CCDC60: variants seen among roughly 807,000 people sequenced by gnomAD.
CCDC60 encodes the protein coiled-coil domain-containing protein 60.
In CCDC60, 54 loss-of-function variants were observed where a neutral mutation model predicts 63.5. The observed-to-expected ratio is 0.85, with a 90% confidence interval of 0.68 to 1.07. CCDC60 has a LOEUF of 1.07. Ranked by LOEUF, CCDC60 falls within the 50% of genes least tolerant of loss-of-function variation. The pLI is 0.00. For synonymous variants in CCDC60, 206 were observed against 238.8 expected, an observed-to-expected ratio of 0.86 and a Z score of 1.27; for missense variants, 651 against 684.3, an observed-to-expected ratio of 0.95 and a Z score of 0.54.
rs754983915 is a variant in CCDC60, at chr12:119,405,804, T to TC, written c.91-22875dup. ...TCTAGTTACCGCATCCCCACACCAC[T>TC]CCCCACCCCTAACTCCCACCCTCCA... On this transcript the variant is annotated intron_variant, in intron 1 of 13. Transcript: ENST00000327554. Among the ~76,000 whole-genome samples, 206 of 152,190 alleles carry TC rather than the reference T, an allele frequency of 1.4e-3. 3 individuals are homozygous for TC. The highest frequency in any genetic ancestry group is 3.7e-4 in the Non-Finnish European group (25 of 67,992).
chr12:119,406,238 C>G (rs1226190078), intron 1 of CCDC60, among the ~76,000 whole-genome samples: 3 of 151,496 alleles, frequency 2.0e-5, no homozygotes, highest in Non-Finnish European at 4.4e-5. Context: ...GTCTTCTTGC[C>G]TCATTCACCC....
In CCDC60 at chr12:119,540,670, G is replaced by A. The variant is rs150338593; in HGVS notation, c.1608G>A (p.Gln536=). 1 of 1,614,058 alleles carries A rather than the reference G, an allele frequency of 6.2e-7. No individual in the cohort carries two copies. The part of the protein sequence containing the change: ...MPQEDYISWL[Q]SRINIPIGPY... ...AAGAGGATTACATCAGCTGGCTGCAGAGCCGGATCAACATACCCATTGGGC... is the reference window on the plus strand; with the variant it reads ...AAGAGGATTACATCAGCTGGCTGCAAAGCCGGATCAACATACCCATTGGGC... The change falls in exon 14 of 14, where the codon CAG becomes CAA. Residue 536 remains glutamine (Q), a synonymous_variant. Transcript: ENST00000327554.
chr12:119,507,614 A>AT lies in CCDC60; in HGVS notation c.883+2327dup, dbSNP rs1184630442. ...TACATATATATATATATATATATATATTTTTTTTTTTTTTTTCTAGAAACA... is the reference window on the plus strand; with the variant it reads ...TACATATATATATATATATATATATATTTTTTTTTTTTTTTTTCTAGAAACA... On this transcript the variant is annotated intron_variant, in intron 7 of 13. Transcript: ENST00000327554. 6.9e-3 allele frequency among the ~76,000 whole-genome samples: 350 copies of AT among 50,482 alleles called. 44 individuals carry two copies. The highest frequency in any genetic ancestry group is 0.015 in the Admixed American group (43 of 2,834). 33.1% of individuals were successfully genotyped at this position (50,482 alleles called of 152,430 possible).
chr12:119,528,794 G>T (rs528593650), intron 12 of CCDC60, 48 bp downstream of exon 12: 2 of 1,574,248 alleles, frequency 1.3e-6, no homozygotes, highest in East Asian at 2.3e-5. Flanking sequence ...AGAGAACAGG[G>T]TGTTGTTATT....
chr12:119,407,834 A>T (rs1021598034), intron 1 of CCDC60, among the ~76,000 whole-genome samples: 11 of 152,178 alleles, frequency 7.2e-5, no homozygotes, highest in Non-Finnish European at 1.5e-4. Flanking sequence ...GCTGGGATTT[A>T]AAACCAAGTC....
chr12:119,477,923 CAG>C (rs1396173749), intron 3 of CCDC60, among the ~76,000 whole-genome samples: 1 of 151,422 alleles, frequency 6.6e-6, no homozygotes, highest in Non-Finnish European at 1.5e-5. Flanking sequence ...CACACACTCA[CAG>C]AGAGAGAGAG....
intron 8 of CCDC60, among the ~76,000 whole-genome samples, chr12:119,519,253 A>G (rs1397025551): frequency 3.9e-5 from 6 of 152,058 alleles, no homozygotes. Flanking sequence ...GCTGCCCCCT[A>G]GCCATCTGAA....
intron 4 of CCDC60, among the ~76,000 whole-genome samples, chr12:119,485,769 CA>C (rs1261940904): frequency 2.6e-5 from 4 of 152,202 alleles, no homozygotes; most frequent in Non-Finnish European, 4.4e-5. Flanking sequence ...CGAATTTCAA[CA>C]AATGAATCTG....
At chr12:119,341,439 A>T (rs1035217741) in intron 1 of CCDC60, among the ~76,000 whole-genome samples, 2 of 152,222 alleles carry the variant, frequency 1.3e-5, no homozygotes, top group African/African-American at 4.8e-5. Context: ...CTGCCTTTGA[A>T]GTCAGGCAAA....
intron 1 of CCDC60, among the ~76,000 whole-genome samples, chr12:119,399,675 GA>G (rs1261267329): frequency 6.6e-6 from 1 of 152,144 alleles, no homozygotes; most frequent in Non-Finnish European, 1.5e-5. Context: ...ACAGGGCTCT[GA>G]AGACAGGGGG....
intron 2 of CCDC60, among the ~76,000 whole-genome samples, chr12:119,439,150 C>CAA (rs11317847): frequency 0.081 from 5,841 of 72,226 alleles, 247 homozygotes; most frequent in Non-Finnish European, 0.11. Flanking sequence ...CTTTTCTGGG[C>CAA]AAAAAAAAAA....
chr12:119,532,503 G>A (rs948804707), intron 13 of CCDC60, among the ~76,000 whole-genome samples: 5 of 151,356 alleles, frequency 3.3e-5, no homozygotes, highest in South Asian at 2.1e-4. Context: ...CATGTGTCAT[G>A]GTGGTTTTCT....
intron 7 of CCDC60, among the ~76,000 whole-genome samples, chr12:119,511,043 C>T (rs146173283): frequency 1.8e-4 from 28 of 152,238 alleles, no homozygotes; most frequent in Non-Finnish European, 2.8e-4. Context: ...GCAACAGTAA[C>T]ATCTTATTTA....
intron 1 of CCDC60, among the ~76,000 whole-genome samples, chr12:119,389,203 T>C (rs185995872): frequency 1.6e-4 from 24 of 152,300 alleles, no homozygotes; most frequent in Admixed American, 5.2e-4. Context: ...AGTACCTCAG[T>C]TGCCTTGCCT....
intron 1 of CCDC60, among the ~76,000 whole-genome samples, chr12:119,416,233 G>C (rs1338096730): frequency 1.3e-5 from 2 of 152,012 alleles, no homozygotes; most frequent in African/African-American, 4.8e-5. Context: ...ATACAAATTA[G>C]CCGGGCGAGG....
chr12:119,469,647 G>A (rs1256534273), intron 2 of CCDC60, among the ~76,000 whole-genome samples: 1 of 152,162 alleles, frequency 6.6e-6, no homozygotes, highest in Non-Finnish European at 1.5e-5. Context: ...CCCAGCGGGG[G>A]CAATTGTGCA....
intron 2 of CCDC60, among the ~76,000 whole-genome samples, chr12:119,434,869 G>A (rs1034825482): frequency 1.3e-5 from 2 of 152,168 alleles, no homozygotes; most frequent in African/African-American, 2.4e-5. Context: ...TGTAGGCTGC[G>A]ATGAAAAGTA....
At chr12:119,474,853 A>C (rs1566029286) in intron 3 of CCDC60, among the ~76,000 whole-genome samples, 1 of 152,154 alleles carries the variant, frequency 6.6e-6, no homozygotes, top group Non-Finnish European at 1.5e-5. Flanking sequence ...TTTAAGGAAA[A>C]AAAAGAAAAA....
At chr12:119,384,586 T>C (rs1472833075) in intron 1 of CCDC60, among the ~76,000 whole-genome samples, 1 of 152,190 alleles carries the variant, frequency 6.6e-6, no homozygotes, top group African/African-American at 2.4e-5. Flanking sequence ...AGACCTGCCA[T>C]TCCCTGCGAG....
Sources: gnomAD v4.1 joint callset for allele counts (sites outside exome capture counted in the v4.1 genomes callset) on GRCh38, gnomAD v4.1.1 for gene constraint, MANE v1.5 for transcripts, NCBI Gene and HGNC (gene_info 2026-07-23, HGNC 2026-07-21) for gene names.